ESR1: variants seen among roughly 807,000 people sequenced by gnomAD.
The protein encoded by ESR1 is estrogen receptor 1, also known as estrogen receptor.
ESR1 carries 12 observed loss-of-function variants against 52.7 expected under a neutral mutation model. That is an observed-to-expected ratio of 0.23 (90% CI 0.15 to 0.37). ESR1 has a LOEUF of 0.37. ESR1 is among the 10% of genes least tolerant of loss of function. The probability of loss-of-function intolerance (pLI) is 1.00; values close to 1 mark genes in which losing one functional copy is unlikely to be tolerated. For missense variants in ESR1, 584 were observed against 779.7 expected, an observed-to-expected ratio of 0.75 and a Z score of 2.99; for synonymous variants, 305 against 316.8, an observed-to-expected ratio of 0.96 and a Z score of 0.39.
chr6:151,968,513 A>G (rs2038538050), intron 4 of ESR1, among the ~76,000 whole-genome samples: 1 of 152,204 alleles, frequency 6.6e-6, no homozygotes, highest in South Asian at 2.1e-4. Flanking sequence ...AAATTTTTGC[A>G]ATCTATCCGT....
At chr6:152,045,182 A>G (rs887074300) in intron 5 of ESR1, among the ~76,000 whole-genome samples, 1 of 152,206 alleles carries the variant, frequency 6.6e-6, no homozygotes, top group Non-Finnish European at 1.5e-5. Flanking sequence ...CTGTGAGCAG[A>G]TGAATGGCTC....
At chr6:151,800,966 G>T (rs935364921), upstream of ESR1, among the ~76,000 whole-genome samples, 1 of 151,902 alleles carries the variant, frequency 6.6e-6, no homozygotes, top group South Asian at 2.1e-4. Flanking sequence ...ATGCTAAACT[G>T]CTCAAATCTC....
At chr6:152,015,787 G>A (rs374490124) in intron 5 of ESR1, among the ~76,000 whole-genome samples, 21 of 152,208 alleles carry the variant, frequency 1.4e-4, no homozygotes, top group African/African-American at 2.4e-4. Context: ...CGCATTTGGC[G>A]TGTGCTTATA....
chr6:152,032,096 C>G (rs961000598), intron 5 of ESR1, among the ~76,000 whole-genome samples: 14 of 152,174 alleles, frequency 9.2e-5, no homozygotes, highest in African/African-American at 3.4e-4. Context: ...AACAACCCTT[C>G]ATGCTAAAAA....
At chr6:151,685,711 T>G (rs2115317742), upstream of ESR1, among the ~76,000 whole-genome samples, 1 of 152,334 alleles carries the variant, frequency 6.6e-6, no homozygotes, top group South Asian at 2.1e-4. Flanking sequence ...AATCATTGTC[T>G]TCTTCAATGT....
intron 1 of ESR1, among the ~76,000 whole-genome samples, chr6:151,678,502 T>C (rs1582871871): frequency 6.7e-6 from 1 of 149,666 alleles, no homozygotes; most frequent in South Asian, 2.1e-4. Flanking sequence ...GATGCCTGAG[T>C]CTCTCCCCAA....
At chr6:151,809,126 C>A in intron 1 of ESR1, 1 of 405,034 alleles carries the variant, frequency 2.5e-6, no homozygotes. Context: ...TAATCTCCTG[C>A]CAGCCCAGTG....
intron 2 of ESR1, among the ~76,000 whole-genome samples, chr6:151,793,507 T>C (rs924731913): frequency 6.6e-6 from 1 of 152,258 alleles, no homozygotes; most frequent in Non-Finnish European, 1.5e-5. Context: ...TTTATTATCA[T>C]AATCATTATG....
intron 2 of ESR1, among the ~76,000 whole-genome samples, chr6:151,873,779 TTAGAAG>T (rs1275613110): frequency 6.6e-6 from 1 of 152,236 alleles, no homozygotes; most frequent in East Asian, 1.9e-4. Context: ...ATACTGATGC[TTAGAAG>T]TAGAAAGGAA....
In ESR1 at chr6:152,011,690, C is replaced by T. The variant is rs61760169; in HGVS notation, c.1131C>T (p.His377=). ...ATTTGACCCTCCATGATCAGGTCCACCTTCTAGAATGTGCCTGGCTAGAGA... is the reference window on the plus strand; with the variant it reads ...ATTTGACCCTCCATGATCAGGTCCATCTTCTAGAATGTGCCTGGCTAGAGA... ...FVDLTLHDQV[H]LLECAWLEIL... Residue 377 remains histidine, a synonymous_variant, in exon 5 of 8, where the codon CAC becomes CAT. Transcript: ENST00000206249. 2,467 of 1,613,120 alleles carry T rather than the reference C, an allele frequency of 1.5e-3. 2 individuals are homozygous for T. The highest frequency in any genetic ancestry group is 1.9e-3 in the Non-Finnish European group (2,261 of 1,179,510).
chr6:152,095,770 C>T (rs2152499339), intron 7 of ESR1, among the ~76,000 whole-genome samples: 1 of 152,292 alleles, frequency 6.6e-6, no homozygotes, highest in East Asian at 1.9e-4. Flanking sequence ...TCTGTTCTTC[C>T]CTATGGTTAC....
At chr6:151,780,708 T>G (rs1786467455) in intron 2 of ESR1, among the ~76,000 whole-genome samples, 1 of 152,234 alleles carries the variant, frequency 6.6e-6, no homozygotes, top group South Asian at 2.1e-4. Flanking sequence ...TTATGTTTGA[T>G]GTCACTGATT....
rs563183066 is a variant in ESR1, at chr6:152,123,331, T to A, written c.851-1935T>A. On this transcript the variant is annotated intron_variant, in intron 6 of 6. Coordinates refer to the ESR1 transcript ENST00000427531. ...GTCTGTCTACAGAACACTGGTGTTG[T>A]ATGATGTAGATGCTAGGCTGATCCT... is the stretch of plus-strand genomic sequence containing the variant. Among the ~76,000 whole-genome samples, 60 of 152,342 alleles carry A rather than the reference T, an allele frequency of 3.9e-4. 1 individual carries two copies. Among genetic ancestry groups the A allele is most frequent in the African/African-American group, 1.3e-3 (54 of 41,570 alleles).
chr6:151,967,860 T>C (rs1394303536), intron 4 of ESR1, among the ~76,000 whole-genome samples: 2 of 152,230 alleles, frequency 1.3e-5, no homozygotes, highest in Non-Finnish European at 2.9e-5. Context: ...TTCCTGACTT[T>C]TTAATGATTG....
intron 2 of ESR1, among the ~76,000 whole-genome samples, chr6:151,784,156 T>G (rs1038293067): frequency 6.6e-6 from 1 of 152,286 alleles, no homozygotes; most frequent in Non-Finnish European, 1.5e-5. Flanking sequence ...TTGAAGGAAG[T>G]CACTCTGCAC....
rs924639723 is a variant in ESR1 at position 151,694,501 on chromosome 6, G to T, written c.-202+3837G>T. ...CAAAGTTCACTTTTATAAAATGCAAGTTGTGGCCGGGATTGGTGGTTCACG... is the reference window on the plus strand; with the variant it reads ...CAAAGTTCACTTTTATAAAATGCAATTTGTGGCCGGGATTGGTGGTTCACG... On this transcript the variant is annotated intron_variant, in intron 1 of 2. Coordinates refer to the ESR1 transcript ENST00000404742. Among the ~76,000 whole-genome samples the T allele has an allele frequency of 6.6e-5, 10 of 152,126 alleles. No individual in the cohort carries two copies. In the South Asian group the frequency reaches 2.1e-3, roughly 32 times the overall value.
chr6:151,668,056 C>T (rs1777890678), intron 1 of ESR1, among the ~76,000 whole-genome samples: 2 of 152,230 alleles, frequency 1.3e-5, no homozygotes, highest in East Asian at 1.9e-4. Flanking sequence ...AAGTGAGTGT[C>T]TTAGTCTATT....
chr6:151,790,460 C>T (rs376777996), intron 2 of ESR1, among the ~76,000 whole-genome samples: 1 of 152,148 alleles, frequency 6.6e-6, no homozygotes, highest in African/African-American at 2.4e-5. Context: ...CCTGTCTCTT[C>T]CACCTGTTGT....
chr6:152,029,329 G>A (rs569793796), intron 5 of ESR1, among the ~76,000 whole-genome samples: 5 of 152,246 alleles, frequency 3.3e-5, no homozygotes, highest in South Asian at 4.1e-4. Context: ...GGCTTCAGAC[G>A]ATGAAAATTT....
Sources: gnomAD v4.1 joint callset for allele counts (sites outside exome capture counted in the v4.1 genomes callset) on GRCh38, gnomAD v4.1.1 for gene constraint, MANE v1.5 for transcripts, NCBI Gene and HGNC (gene_info 2026-07-23, HGNC 2026-07-21) for gene names.